Variants in PRKN observed in about 807,000 individuals in gnomAD.
The protein encoded by PRKN is parkin RBR E3 ubiquitin protein ligase, also known as E3 ubiquitin-protein ligase parkin.
Under a neutral mutation model 59.5 loss-of-function variants are expected in PRKN, and 56 were observed. The ratio of observed to expected loss-of-function variants is 0.94; its 90% CI spans 0.76 to 1.18. PRKN has a LOEUF of 1.18. PRKN is among the 50% of genes most tolerant of loss of function. The pLI is 0.00. For missense variants in PRKN, 657 were observed against 596.4 expected, an observed-to-expected ratio of 1.10 and a Z score of -1.06; for synonymous variants, 250 against 222.1, an observed-to-expected ratio of 1.13 and a Z score of -1.12.
In PRKN at chr6:161,353,087, G is replaced by A. The variant is rs1182759062; in HGVS notation, c.1286-2876C>T. 5.3e-5 allele frequency among the ~76,000 whole-genome samples: 8 copies of A among 152,184 alleles called. No homozygotes were observed. The East Asian group carries it at 1.4e-3, about 26-fold the overall frequency. ...GCCACCGCGCCTGGCTGATAGATGTGTTTTTCATACACAGTCCCTGGCTTA... is the reference window on the plus strand; with the variant it reads ...GCCACCGCGCCTGGCTGATAGATGTATTTTTCATACACAGTCCCTGGCTTA... On this transcript the variant is annotated intron_variant, in intron 11 of 11. Transcript: ENST00000366898. The surrounding 1 kb of genome is among the most constrained non-coding windows in gnomAD (Gnocchi z 4.8).
At chr6:161,876,863 C>T (rs2128228551) in intron 6 of PRKN, among the ~76,000 whole-genome samples, 1 of 152,194 alleles carries the variant, frequency 6.6e-6, no homozygotes, top group South Asian at 2.1e-4. Flanking sequence ...TTAAAAAATA[C>T]CCACTGGAAA....
At chr6:161,629,032 A>G (rs563744164) in intron 7 of PRKN, among the ~76,000 whole-genome samples, 2 of 152,310 alleles carry the variant, frequency 1.3e-5, no homozygotes, top group East Asian at 3.9e-4. Context: ...GCAGACACAG[A>G]GCTGGAAGAC....
intron 1 of PRKN, among the ~76,000 whole-genome samples, chr6:162,659,339 G>A (rs1399400412): frequency 6.6e-6 from 1 of 151,876 alleles, no homozygotes; most frequent in Non-Finnish European, 1.5e-5. Flanking sequence ...AACATTGTAA[G>A]CTACTTTTCT....
chr6:162,215,057 A>C (rs1232860369), intron 3 of PRKN, among the ~76,000 whole-genome samples: 1 of 151,996 alleles, frequency 6.6e-6, no homozygotes. Context: ...CAGAAATACC[A>C]CTTCCTCTAG....
At chr6:162,575,123 C>T (rs1780506125) in intron 1 of PRKN, among the ~76,000 whole-genome samples, 1 of 152,128 alleles carries the variant, frequency 6.6e-6, no homozygotes, top group Non-Finnish European at 1.5e-5. Flanking sequence ...TTCAGAAGGC[C>T]TCTTCTATGC....
chr6:161,469,561 GAGAGAGAGAGAA>G (rs1286156805), intron 9 of PRKN, among the ~76,000 whole-genome samples: 50 of 126,298 alleles, frequency 4.0e-4, no homozygotes, highest in African/African-American at 7.7e-4. Flanking sequence ...GAGAGAGAGA[GAGAGAGAGAGAA>G]AGAGAGAGAG....
chr6:162,596,628 C>T (rs1781504542), intron 1 of PRKN, among the ~76,000 whole-genome samples: 1 of 152,066 alleles, frequency 6.6e-6, no homozygotes, highest in South Asian at 2.1e-4. Flanking sequence ...AATTTTCTAC[C>T]ATAAAAGAAA....
intron 1 of PRKN, among the ~76,000 whole-genome samples, chr6:162,464,508 A>G (rs1791323216): frequency 6.6e-6 from 1 of 152,018 alleles, no homozygotes; most frequent in Non-Finnish European, 1.5e-5. Flanking sequence ...GTCACATTCT[A>G]TTTCATTAGA....
chr6:162,633,979 G>A (rs1777614843), intron 1 of PRKN, among the ~76,000 whole-genome samples: 1 of 152,126 alleles, frequency 6.6e-6, no homozygotes, highest in Non-Finnish European at 1.5e-5. Context: ...TACAGAGACT[G>A]CTAAGTACAT....
chr6:162,450,284 T>G (rs1429969356), intron 1 of PRKN, among the ~76,000 whole-genome samples: 4 of 141,476 alleles, frequency 2.8e-5, no homozygotes, highest in African/African-American at 1.2e-4. Context: ...AAATGCCCCT[T>G]TGAGTGTAAC....
At chr6:161,609,275 G>A (rs939656256) in intron 7 of PRKN, among the ~76,000 whole-genome samples, 1 of 152,190 alleles carries the variant, frequency 6.6e-6, no homozygotes, top group African/African-American at 2.4e-5. Flanking sequence ...ATGAAAAAGT[G>A]TCTCATATAT....
rs1426725821 is a variant in PRKN, at chr6:162,558,709, G to A, written c.8-115236C>T. Among the ~76,000 whole-genome samples, 14 of 151,646 alleles carry A rather than the reference G, an allele frequency of 9.2e-5. No individual in the cohort carries two copies. The East Asian group carries it at 2.7e-3, about 30-fold the overall frequency. ...GCTGGAGTGCAGTGGAGTGATCTTA[G>A]CCCATCACAGTCTCTGCCTCCAAGG... On this transcript the variant is annotated intron_variant, in intron 1 of 11. Transcript: ENST00000366898.
chr6:162,208,369 A>T (rs1007405862), intron 3 of PRKN, among the ~76,000 whole-genome samples: 1 of 152,200 alleles, frequency 6.6e-6, no homozygotes, highest in African/African-American at 2.4e-5. Flanking sequence ...ATGCTTAGCA[A>T]TCTCTAAGGA....
At chr6:162,374,397 T>G (rs1785938462) in intron 2 of PRKN, among the ~76,000 whole-genome samples, 1 of 151,816 alleles carries the variant, frequency 6.6e-6, no homozygotes, top group African/African-American at 2.4e-5. Flanking sequence ...ATAGTTTTTT[T>G]TTTTTTTTAA....
Position 161,794,539 on chromosome 6 carries a change from T to C in PRKN, c.735-8631A>G, listed in dbSNP as rs114415597. Among the ~76,000 whole-genome samples the C allele has an allele frequency of 6.7e-3, 1,023 of 152,286 alleles. 12 individuals carry two copies. The highest frequency in any genetic ancestry group is 0.024 in the African/African-American group (978 of 41,550). On this transcript the variant is annotated intron_variant, in intron 6 of 11. Coordinates refer to ENST00000366898, the MANE Select transcript of PRKN (RefSeq NM_004562.3). ...CCTGACAGTTCTTGGCCCCAAAATA[T>C]GAACTAGTTTCGCAGTGCCCATGTA...
intron 1 of PRKN, among the ~76,000 whole-genome samples, chr6:162,469,641 A>G (rs973710440): frequency 2.6e-5 from 4 of 152,122 alleles, no homozygotes; most frequent in Non-Finnish European, 5.9e-5. Context: ...GGCAAACCAA[A>G]TATCGTATGT....
At chr6:161,745,192 C>T (rs1788364173) in intron 7 of PRKN, among the ~76,000 whole-genome samples, 1 of 152,144 alleles carries the variant, frequency 6.6e-6, no homozygotes. Context: ...AGTTTCTGAT[C>T]TAATCAGGGA....
intron 2 of PRKN, among the ~76,000 whole-genome samples, chr6:162,441,472 C>T (rs977224785): frequency 6.6e-6 from 1 of 152,126 alleles, no homozygotes; most frequent in Non-Finnish European, 1.5e-5. Flanking sequence ...TGACTTCCAA[C>T]CAGATGTGTT....
intron 4 of PRKN, among the ~76,000 whole-genome samples, chr6:162,172,826 C>T (rs148749601): frequency 1.4e-3 from 215 of 152,206 alleles, no homozygotes; most frequent in African/African-American, 5.0e-3. Flanking sequence ...CCAATGGGTG[C>T]CTCGGTGGTA....
Sources: gnomAD v4.1 joint callset for allele counts (sites outside exome capture counted in the v4.1 genomes callset) on GRCh38, gnomAD v4.1.1 for gene constraint, Gnocchi (gnomAD v3.1) non-coding constraint, MANE v1.5 for transcripts, NCBI Gene and HGNC (gene_info 2026-07-23, HGNC 2026-07-21) for gene names.